DST: variants seen among roughly 807,000 people sequenced by gnomAD.
DST encodes bullous pemphigoid antigen.
Under a neutral mutation model 875.2 loss-of-function variants are expected in DST, and 253 were observed. The ratio of observed to expected loss-of-function variants is 0.29; its 90% CI spans 0.26 to 0.32. DST has a LOEUF of 0.32. Among genes scored for constraint, DST ranks in the 10% least tolerant of loss-of-function variants. The pLI, the probability that DST is intolerant of heterozygous loss-of-function variation, is 1.00. For missense variants in DST, 8,287 were observed against 9,111.6 expected (o/e 0.91, Z 3.68); for synonymous variants, 3,124 against 3,197.1 (o/e 0.98, Z 0.77).
intron 4 of DST, among the ~76,000 whole-genome samples, chr6:56,845,000 A>T (rs1388340306): frequency 6.6e-6 from 1 of 152,196 alleles, no homozygotes; most frequent in African/African-American, 2.4e-5. Flanking sequence ...GTAGTGCCTA[A>T]CTCATAAAGT....
chr6:56,792,279 C>T (rs1590500862), intron 4 of DST, among the ~76,000 whole-genome samples: 1 of 151,826 alleles, frequency 6.6e-6, no homozygotes, highest in East Asian at 1.9e-4. Context: ...GAAATGATCA[C>T]CATTTTTACA....
chr6:56,687,500 C>CCTT (rs1348255996), intron 9 of DST, among the ~76,000 whole-genome samples: 4 of 152,228 alleles, frequency 2.6e-5, no homozygotes, highest in African/African-American at 7.2e-5. Flanking sequence ...AATAATAGAA[C>CCTT]CTTCTTAGTG....
At position 56,616,158 on chromosome 6, in the gene DST, G is replaced by A. The variant is rs369725310; in HGVS notation, c.4930-1674C>T. The A allele has an allele frequency of 2.6e-5, 42 of 1,613,994 alleles. No individual in the cohort carries two copies. The highest frequency in any genetic ancestry group is 3.3e-5 in the South Asian group (3 of 91,072). The stretch of plus-strand genomic sequence containing the variant: ...TGCAAATCTTTCTTGGGGACTAACC[G>A]GCTCAGCAAAGAATCAGCAAGTTCT... On this transcript the variant is annotated intron_variant, in intron 36 of 103. Coordinates refer to ENST00000680361, the MANE Select transcript of DST (RefSeq NM_001374736.1).
chr6:56,530,729 T>C (rs975448153), intron 64 of DST, among the ~76,000 whole-genome samples: 6 of 152,326 alleles, frequency 3.9e-5, no homozygotes, highest in African/African-American at 1.2e-4. Context: ...GAAGTATTCA[T>C]TGGACTTTTA....
chr6:56,925,739 A>G (rs1255628110), intron 2 of DST, among the ~76,000 whole-genome samples: 4 of 152,208 alleles, frequency 2.6e-5, no homozygotes, highest in Admixed American at 1.3e-4. Context: ...CATCATGGAA[A>G]TAGGTTTTAT....
intron 4 of DST, among the ~76,000 whole-genome samples, chr6:56,818,282 A>T (rs1446940602): frequency 6.6e-6 from 1 of 152,166 alleles, no homozygotes; most frequent in East Asian, 1.9e-4. Flanking sequence ...AACAAGGACC[A>T]CTGTTATCAT....
intron 91 of DST, among the ~76,000 whole-genome samples, chr6:56,476,808 TGGGCATGGTGGC>T (rs57285909): frequency 1.0e-3 from 159 of 151,776 alleles, no homozygotes; most frequent in African/African-American, 3.7e-3. Context: ...AAAAATTAGC[TGGGCATGGTGGC>T]ACGCGCCTGT....
intron 4 of DST, among the ~76,000 whole-genome samples, chr6:56,775,278 C>G (rs1054793188): frequency 1.3e-5 from 2 of 152,112 alleles, no homozygotes; most frequent in Non-Finnish European, 2.9e-5. Context: ...TCCGTTAAAC[C>G]CAAGCACACC....
intron 45 of DST, among the ~76,000 whole-genome samples, chr6:56,599,330 A>G (rs531316387): frequency 2.9e-4 from 44 of 151,974 alleles, no homozygotes; most frequent in Non-Finnish European, 5.3e-4. Context: ...ACTGAGTTTT[A>G]ATATTATTTT....
At position 56,553,161 on chromosome 6, in the gene DST, G is replaced by A; in HGVS notation, c.15631C>T (p.Leu5211=). Residue 5211 remains leucine, a synonymous_variant, in exon 61 of 104, where the codon CTG becomes TTG. Transcript: ENST00000680361. ...AAGTGTTGGTCCATTTCCTTCTGCA[G>A]AGACTTTAACTTGGCAATAGAATTC... The part of the protein sequence containing the change: ...GENSIAKLKS[L]QKEMDQHFGM... 1 of 1,613,970 alleles carries A rather than the reference G, an allele frequency of 6.2e-7. No homozygotes were observed. The highest frequency in any genetic ancestry group is 1.1e-5 in the South Asian group (1 of 91,080).
chr6:56,498,043 T>C lies in DST; in HGVS notation c.19907A>G (p.Asn6636Ser), dbSNP rs1210367471. The change falls in exon 81 of 104, where the codon AAT becomes AGT. Residue 6636 changes from asparagine (N) to serine (S), a missense_variant. By Grantham distance (46) the Asn-to-Ser change is conservative (BLOSUM62 1). This residue lies in a region of DST where 1,292 missense variants were observed against 1,552.7 expected (regional missense o/e 0.83). Coordinates refer to ENST00000680361, the MANE Select transcript of DST (RefSeq NM_001374736.1). The part of the protein sequence containing the change: ...IELAKHHVLQ[N>S]DVLAHQSTVE... Reference sequence around the variant, plus strand: ...TGTGGACTGATGGGCTAATACATCATTTTGGAGCACCTGAAAATATAAAGA... The same window carrying C: ...TGTGGACTGATGGGCTAATACATCACTTTGGAGCACCTGAAAATATAAAGA... 2.5e-6 allele frequency: 4 copies of C among 1,611,278 alleles called. No individual in the cohort carries two copies. Among genetic ancestry groups the C allele is most frequent in the Non-Finnish European group, 3.4e-6 (4 of 1,178,696 alleles).
chr6:56,693,328 C>T (rs1301075028), intron 9 of DST: 174 of 1,164,944 alleles, frequency 1.5e-4, no homozygotes, highest in Non-Finnish European at 1.8e-4. Flanking sequence ...CAAGAAATGC[C>T]GTGGCATCCT....
intron 36 of DST, chr6:56,620,768 A>G (rs2098683431): frequency 6.7e-7 from 1 of 1,502,018 alleles, no homozygotes; most frequent in African/African-American, 1.4e-5. Flanking sequence ...AATATCTTAC[A>G]ACGTATGAAT....
In DST at chr6:56,606,264, C is replaced by T; in HGVS notation, c.8364G>A (p.Met2788Ile). The T allele has an allele frequency of 1.3e-6, 2 of 1,576,002 alleles. No homozygotes were observed. Among genetic ancestry groups the T allele is most frequent in the Non-Finnish European group, 1.7e-6 (2 of 1,159,234 alleles). ...AATCCCCATAACTTTCTTCACTTTG[C>T]ATAGAATCTAAATGATCAGTATCGG... Reference protein sequence around the residue: ...FHSDTDHLDSMQSEESYGDYI... With the variant: ...FHSDTDHLDSIQSEESYGDYI... Residue 2788 changes from methionine (M) to isoleucine (I), a missense_variant, in exon 40 of 104, where the codon ATG (methionine) becomes ATA (isoleucine). Physicochemically the swap from Met to Ile is conservative, Grantham distance 10. This residue lies in a region of DST where 3,138 missense variants were observed against 3,116.6 expected (regional missense o/e 1.01). Transcript: ENST00000680361.
chr6:56,558,956 G>A (rs956345047), intron 58 of DST, among the ~76,000 whole-genome samples: 2 of 152,084 alleles, frequency 1.3e-5, no homozygotes, highest in African/African-American at 4.8e-5. Context: ...AAGACAGTAT[G>A]CTCCCTGCAG....
At chr6:56,850,678 G>A (rs962027958) in intron 4 of DST, among the ~76,000 whole-genome samples, 3 of 152,206 alleles carry the variant, frequency 2.0e-5, no homozygotes, top group South Asian at 2.1e-4. Flanking sequence ...CACAAACCAC[G>A]CAGGGGTTGG....
At chr6:56,488,556 T>G (rs1053816915) in intron 86 of DST, among the ~76,000 whole-genome samples, 19 of 152,122 alleles carry the variant, frequency 1.2e-4, no homozygotes, top group African/African-American at 4.3e-4. Flanking sequence ...TTTCCTCCCA[T>G]CCCTCTAATC....
intron 4 of DST, among the ~76,000 whole-genome samples, chr6:56,792,566 G>A (rs2099728972): frequency 6.6e-6 from 1 of 151,946 alleles, no homozygotes; most frequent in African/African-American, 2.4e-5. Context: ...ATCCCTAGTA[G>A]CTGGGAACAC....
intron 3 of DST, among the ~76,000 whole-genome samples, chr6:56,867,632 C>T (rs112938165): frequency 0.029 from 4,399 of 152,156 alleles, 163 homozygotes; most frequent in African/African-American, 0.092. Flanking sequence ...CCATCCTGGC[C>T]AACATGGTGA....
Sources: allele counts gnomAD v4.1 joint callset (sites outside exome capture counted in the v4.1 genomes callset), GRCh38; gene constraint gnomAD v4.1.1; regional missense constraint gnomAD v4.1.1; transcripts MANE v1.5; gene names NCBI Gene and HGNC (gene_info 2026-07-23, HGNC 2026-07-21).